Variants in ARHGAP21 observed in about 807,000 individuals in gnomAD.
The protein encoded by ARHGAP21 is rho GTPase-activating protein 21.
ARHGAP21 carries 38 observed loss-of-function variants against 164.6 expected under a neutral mutation model. The ratio of observed to expected loss-of-function variants is 0.23; its 90% CI spans 0.18 to 0.30. The LOEUF (loss-of-function observed/expected upper bound fraction) is 0.30, where lower values mean the gene tolerates loss of function less well. Among genes scored for constraint, ARHGAP21 ranks in the 10% least tolerant of loss-of-function variants. ARHGAP21 has a pLI of 1.00. For synonymous variants in ARHGAP21, 766 were observed against 857.9 expected (o/e 0.89, Z 1.87); for missense variants, 1,822 against 2,370.7 (o/e 0.77, Z 4.81).
At chr10:24,658,818 TA>T (rs927367223) in intron 4 of ARHGAP21, among the ~76,000 whole-genome samples, 5 of 95,616 alleles carry the variant, frequency 5.2e-5, no homozygotes, top group South Asian at 3.4e-4. Flanking sequence ...CCTAAAGTAT[TA>T]AAAAAAAATA....
In ARHGAP21 at chr10:24,584,692, C is replaced by T; in HGVS notation, c.5597G>A (p.Ser1866Asn). 1.2e-6 allele frequency: 2 copies of T among 1,613,934 alleles called. No homozygotes were observed. The highest frequency in any genetic ancestry group is 1.7e-6 in the Non-Finnish European group (2 of 1,179,866). The change falls in exon 26 of 26, where the codon AGC becomes AAC. Residue 1866 changes from serine to asparagine, a missense_variant. Ser to Asn is a conservative substitution (Grantham distance 46, BLOSUM62 1). Coordinates refer to ENST00000396432, the MANE Select transcript of ARHGAP21 (RefSeq NM_020824.4). ...ERLRTSTSDL[S>N]RGEIGDPQTE... ...CTGGGGATCTCCGATTTCTCCTCTG[C>T]TAAGGTCAGAGGTACTGGTGCGTAG...
chr10:24,672,722 C>G (rs1259675882), intron 2 of ARHGAP21, among the ~76,000 whole-genome samples: 4 of 152,082 alleles, frequency 2.6e-5, no homozygotes, highest in Non-Finnish European at 5.9e-5. Flanking sequence ...AGTGAGTCTA[C>G]CCACTCTGCC....
chr10:24,610,996 T>G (rs553478734), intron 9 of ARHGAP21, among the ~76,000 whole-genome samples: 19 of 152,354 alleles, frequency 1.2e-4, no homozygotes, highest in African/African-American at 4.3e-4. Context: ...TTTCATCTCA[T>G]AAACTGACAA....
At chr10:24,598,455 A>T (rs2076675053) in intron 14 of ARHGAP21, among the ~76,000 whole-genome samples, 1 of 152,178 alleles carries the variant, frequency 6.6e-6, no homozygotes, top group Non-Finnish European at 1.5e-5. Context: ...TTTGTTAGTG[A>T]CTGACTAATT....
intron 25 of ARHGAP21, among the ~76,000 whole-genome samples, chr10:24,587,674 T>A (rs2076161698): frequency 6.6e-6 from 1 of 152,240 alleles, no homozygotes; most frequent in African/African-American, 2.4e-5. Context: ...TGGGAGACCT[T>A]GATGTCCATC....
chr10:24,690,859 T>C (rs145463743), intron 2 of ARHGAP21, among the ~76,000 whole-genome samples: 2,469 of 149,000 alleles, frequency 0.017, 35 homozygotes, highest in Middle Eastern at 0.036. Context: ...TATATACACA[T>C]ATATATATAC....
At position 24,635,047 on chromosome 10, in the gene ARHGAP21, C is replaced by G. The variant is rs1433592933; in HGVS notation, c.325G>C (p.Glu109Gln). 1 of 1,602,402 alleles carries G rather than the reference C, an allele frequency of 6.2e-7. No individual in the cohort carries two copies. Among genetic ancestry groups the G allele is most frequent in the Non-Finnish European group, 8.5e-7 (1 of 1,175,736 alleles). Residue 109 changes from glutamate (E) to glutamine (Q), a missense_variant, in exon 5 of 26, where the codon GAA becomes CAA. Glu to Gln is a conservative substitution (Grantham distance 29, BLOSUM62 2). Around this residue, in one of 5 missense-constraint regions of ARHGAP21, gnomAD observed 1,090 missense variants for 1,378.9 expected, o/e 0.79. Coordinates refer to ENST00000396432, the MANE Select transcript of ARHGAP21 (RefSeq NM_020824.4). Reference protein sequence around the residue: ...MDTIFVKQVKEGGPAFEAGLC... With the variant: ...MDTIFVKQVKQGGPAFEAGLC... ...CCAGCTTCAAAAGCAGGTCCTCCTT[C>G]TTTAACTTGCTTAACAAATATGGTA...
intron 2 of ARHGAP21, among the ~76,000 whole-genome samples, chr10:24,674,210 G>A (rs535282358): frequency 6.6e-6 from 1 of 151,902 alleles, no homozygotes; most frequent in African/African-American, 2.4e-5. Flanking sequence ...GGGCAACACA[G>A]GGAGACCCTG....
chr10:24,718,657 C>A (rs1303001316), intron 2 of ARHGAP21, among the ~76,000 whole-genome samples: 3 of 152,174 alleles, frequency 2.0e-5, no homozygotes, highest in Admixed American at 6.5e-5. Context: ...TGGATTCATA[C>A]AAACTCGTAC....
chr10:24,641,563 C>G (rs1263903892), intron 4 of ARHGAP21, among the ~76,000 whole-genome samples: 1 of 152,186 alleles, frequency 6.6e-6, no homozygotes, highest in Non-Finnish European at 1.5e-5. Flanking sequence ...AACATACTAT[C>G]TTTCTACTCA....
At chr10:24,607,414 T>G (rs1004878195) in intron 11 of ARHGAP21, 85 bp downstream of exon 11, 79 of 1,085,580 alleles carry the variant, frequency 7.3e-5, no homozygotes, top group Non-Finnish European at 9.7e-5. Flanking sequence ...ACATAAGACA[T>G]CATTAAATTC....
At position 24,584,710 on chromosome 10, in the gene ARHGAP21, G is replaced by C; in HGVS notation, c.5579C>G (p.Thr1860Ser). The change falls in exon 26 of 26, where the codon ACC becomes AGC. Residue 1860 changes from threonine (T) to serine (S), a missense_variant. Transcript: ENST00000396432. ...SDWLARERLR[T>S]STSDLSRGEI... ...TCCTCTGCTAAGGTCAGAGGTACTG[G>C]TGCGTAGGCGTTCCCTGGCCAGCCA... The C allele has an allele frequency of 6.2e-7, 1 of 1,613,974 alleles. No homozygotes were observed. Among genetic ancestry groups the C allele is most frequent in the South Asian group, 1.1e-5 (1 of 91,076 alleles).
At chr10:24,609,897 C>G (rs1166168149) in intron 9 of ARHGAP21, among the ~76,000 whole-genome samples, 4 of 152,146 alleles carry the variant, frequency 2.6e-5, no homozygotes, top group African/African-American at 9.7e-5. Flanking sequence ...TTTCAAATGA[C>G]TTCTAAATTT....
intron 4 of ARHGAP21, among the ~76,000 whole-genome samples, chr10:24,656,382 A>G (rs1593187350): frequency 1.1e-5 from 1 of 90,502 alleles, no homozygotes; most frequent in Non-Finnish European, 2.2e-5. Flanking sequence ...CCCGTCCGGG[A>G]GGGAGGTGGG....
intron 4 of ARHGAP21, among the ~76,000 whole-genome samples, chr10:24,645,666 C>T (rs10828682): frequency 0.82 from 124,302 of 151,664 alleles, 51,259 homozygotes; most frequent in African/African-American, 0.92. Flanking sequence ...AATAAAGGTA[C>T]ATGAAATTGT....
rs570457905 is a variant in ARHGAP21, at chr10:24,695,050, C to CAAAAAAAAAAAAAAAAAAAAA, written c.64-24674_64-24654dup. On this transcript the variant is annotated intron_variant, in intron 2 of 25. Transcript: ENST00000396432. ...TGGGTAACAGAGCAAAATTCCATCT[C>CAAAAAAAAAAAAAAAAAAAAA]AAAAAAAAAAAAAAAAAAAAAAAAA... is the stretch of plus-strand genomic sequence containing the variant. 2.4e-4 allele frequency among the ~76,000 whole-genome samples: 19 copies of CAAAAAAAAAAAAAAAAAAAAA among 78,506 alleles called. 1 individual carries two copies. The highest frequency in any genetic ancestry group is 6.8e-3 in the Middle Eastern group (1 of 148). 51.5% of individuals were successfully genotyped at this position (78,506 alleles called of 152,430 possible). A position where few individuals can be genotyped will look rare whatever the true frequency, so the allele number is the denominator to read the frequency against.
intron 14 of ARHGAP21, among the ~76,000 whole-genome samples, chr10:24,599,711 T>C (rs1453544809): frequency 6.6e-6 from 1 of 152,198 alleles, no homozygotes; most frequent in Non-Finnish European, 1.5e-5. Context: ...CATTGCTAGA[T>C]TTGCTTGATA....
intron 4 of ARHGAP21, among the ~76,000 whole-genome samples, chr10:24,648,365 A>C (rs1433066580): frequency 2.6e-5 from 4 of 152,258 alleles, no homozygotes; most frequent in Non-Finnish European, 4.4e-5. Flanking sequence ...GTGAAACACC[A>C]ATCTACTTCA....
intron 4 of ARHGAP21, chr10:24,640,057 G>C (rs1474588001): frequency 6.6e-6 from 1 of 151,784 alleles, no homozygotes; most frequent in African/African-American, 2.4e-5. Flanking sequence ...ACAGTTCTGA[G>C]GACAAGAGAA....
Sources: allele counts gnomAD v4.1 joint callset (sites outside exome capture counted in the v4.1 genomes callset), GRCh38; gene constraint gnomAD v4.1.1; regional missense constraint gnomAD v4.1.1; transcripts MANE v1.5; gene names NCBI Gene and HGNC (gene_info 2026-07-23, HGNC 2026-07-21).